The following SYT1 variants were observed in gnomAD, a reference collection of about 807,000 sequenced individuals.
SYT1 encodes synaptotagmin 1.
SYT1 carries 8 observed loss-of-function variants against 44.8 expected under a neutral mutation model. That is an observed-to-expected ratio of 0.18 (90% confidence interval 0.10 to 0.32). The LOEUF (loss-of-function observed/expected upper bound fraction) is 0.32, where lower values mean the gene tolerates loss of function less well. SYT1 is among the 10% of genes least tolerant of loss of function. The pLI is 1.00. For missense variants in SYT1, 286 were observed against 509.3 expected (o/e 0.56, Z 4.22); for synonymous variants, 154 against 188.8 (o/e 0.82, Z 1.51).
chr12:79,241,801 C>A (rs1194133147), intron 4 of SYT1, among the ~76,000 whole-genome samples: 1 of 152,160 alleles, frequency 6.6e-6, no homozygotes, highest in Non-Finnish European at 1.5e-5. Context: ...AATGTGACTT[C>A]TTTAGAAATA....
intron 2 of SYT1, among the ~76,000 whole-genome samples, chr12:79,045,035 A>G (rs1443653515): frequency 6.6e-6 from 1 of 152,122 alleles, no homozygotes; most frequent in African/African-American, 2.4e-5. Context: ...GCTGTCAGAC[A>G]GGGACATTTA....
At chr12:79,154,465 G>A (rs113586688) in intron 3 of SYT1, among the ~76,000 whole-genome samples, 34 of 151,366 alleles carry the variant, frequency 2.2e-4, no homozygotes, top group African/African-American at 8.2e-4. Context: ...ACCTTGACAA[G>A]GTCATACAGC....
At chr12:79,438,713 T>TA (rs1870233470) in intron 9 of SYT1, among the ~76,000 whole-genome samples, 1 of 152,198 alleles carries the variant, frequency 6.6e-6, no homozygotes, top group South Asian at 2.1e-4. Flanking sequence ...GAGACCAAAG[T>TA]AGTCATCTGG....
chr12:79,140,584 A>G (rs1869496700), intron 3 of SYT1, among the ~76,000 whole-genome samples: 1 of 152,156 alleles, frequency 6.6e-6, no homozygotes, highest in Non-Finnish European at 1.5e-5. Context: ...CTTCGTTACC[A>G]TGCAGGGTTC....
At chr12:79,428,920 G>C (rs1208409763) in intron 9 of SYT1, among the ~76,000 whole-genome samples, 1 of 152,152 alleles carries the variant, frequency 6.6e-6, no homozygotes, top group Non-Finnish European at 1.5e-5. Flanking sequence ...TCCAATTGTA[G>C]TAGAAGAAAG....
intron 3 of SYT1, among the ~76,000 whole-genome samples, chr12:79,095,411 TAAGGGTA>T (rs1185033373): frequency 6.6e-6 from 1 of 151,932 alleles, no homozygotes; most frequent in East Asian, 1.9e-4. Context: ...AAGGAGTCTT[TAAGGGTA>T]ACAGTTATAT....
chr12:79,158,645 C>A (rs1188458525), intron 3 of SYT1, among the ~76,000 whole-genome samples: 2 of 152,208 alleles, frequency 1.3e-5, no homozygotes, highest in East Asian at 3.9e-4. Context: ...TACCTGTAAT[C>A]CCAGCACTTT....
At chr12:79,124,702 G>T (rs772266553) in intron 3 of SYT1, among the ~76,000 whole-genome samples, 16 of 152,070 alleles carry the variant, frequency 1.1e-4, no homozygotes, top group Non-Finnish European at 2.2e-4. Context: ...GAAATGAGTA[G>T]AAAATAAGAC....
intron 3 of SYT1, among the ~76,000 whole-genome samples, chr12:79,157,822 C>T (rs1285308850): frequency 1.3e-5 from 2 of 152,148 alleles, no homozygotes; most frequent in Admixed American, 1.3e-4. Flanking sequence ...CAACTTTTCA[C>T]ATGGTTGCTA....
At chr12:78,902,132 C>A (rs1432442000) in intron 1 of SYT1, among the ~76,000 whole-genome samples, 1 of 151,756 alleles carries the variant, frequency 6.6e-6, no homozygotes, top group Non-Finnish European at 1.5e-5. Flanking sequence ...CACATGTATA[C>A]CTATGTAACA....
chr12:79,410,574 C>T (rs932772451), intron 9 of SYT1, among the ~76,000 whole-genome samples: 5 of 151,060 alleles, frequency 3.3e-5, no homozygotes, highest in Admixed American at 2.0e-4. Context: ...TATACAAGCT[C>T]GTATGCATCT....
At chr12:79,208,607 G>A (rs189216941) in intron 3 of SYT1, among the ~76,000 whole-genome samples, 9 of 152,224 alleles carry the variant, frequency 5.9e-5, no homozygotes, top group African/African-American at 1.4e-4. Flanking sequence ...AGGAAGCTGC[G>A]GAGAATTTCT....
chr12:79,347,010 GTT>G, intron 8 of SYT1, among the ~76,000 whole-genome samples: 1 of 149,510 alleles, frequency 6.7e-6, no homozygotes, highest in East Asian at 2.0e-4. Context: ...TAGTAAGGAG[GTT>G]TTTTTGTTTG....
intron 7 of SYT1, among the ~76,000 whole-genome samples, chr12:79,298,500 T>C (rs1044309491): frequency 3.3e-5 from 5 of 152,270 alleles, no homozygotes; most frequent in African/African-American, 1.2e-4. Flanking sequence ...TTTACACTGA[T>C]AAAATAATAG....
chr12:79,142,143 C>A (rs542895521), intron 3 of SYT1, among the ~76,000 whole-genome samples: 2 of 152,166 alleles, frequency 1.3e-5, no homozygotes, highest in Non-Finnish European at 2.9e-5. Flanking sequence ...AATGTCAGAT[C>A]ATTGCTGAAT....
chr12:79,020,312 T>C (rs1291405298), intron 2 of SYT1, among the ~76,000 whole-genome samples: 1 of 151,978 alleles, frequency 6.6e-6, no homozygotes, highest in African/African-American at 2.4e-5. Context: ...TAACATTATG[T>C]TGCTGCAACA....
chr12:79,101,010 T>C (rs1878414627), intron 3 of SYT1, among the ~76,000 whole-genome samples: 1 of 152,176 alleles, frequency 6.6e-6, no homozygotes, highest in African/African-American at 2.4e-5. Context: ...TGTTCTCCAA[T>C]ATTATATACA....
intron 8 of SYT1, among the ~76,000 whole-genome samples, chr12:79,330,135 T>A (rs1049130134): frequency 6.6e-6 from 1 of 152,186 alleles, no homozygotes; most frequent in South Asian, 2.1e-4. Flanking sequence ...TTGGACATGA[T>A]TCTGCTCCTC....
rs1282229654 is a variant in SYT1, at chr12:79,320,467, TA to T, written c.810+20918del. ...GAATCATTTTGACCAATTTTACATATAACTTAGCTAAATTTTTGTGTTAGAT... is the reference window on the plus strand; with the variant it reads ...GAATCATTTTGACCAATTTTACATATACTTAGCTAAATTTTTGTGTTAGAT... On this transcript the variant is annotated intron_variant, in intron 8 of 10. Coordinates refer to ENST00000261205, the MANE Select transcript of SYT1 (RefSeq NM_005639.3). 3.9e-5 allele frequency among the ~76,000 whole-genome samples: 6 copies of T among 152,242 alleles called. No individual in the cohort carries two copies. The East Asian group carries it at 9.7e-4, about 25-fold the overall frequency.
Sources: gnomAD v4.1 joint callset for allele counts (sites outside exome capture counted in the v4.1 genomes callset) on GRCh38, gnomAD v4.1.1 for gene constraint, MANE v1.5 for transcripts, NCBI Gene and HGNC (gene_info 2026-07-23, HGNC 2026-07-21) for gene names.